JAK1: variants seen among roughly 807,000 people sequenced by gnomAD.
JAK1 encodes Janus kinase 1.
Under a neutral mutation model 136.6 loss-of-function variants are expected in JAK1, and 16 were observed. The ratio of observed to expected loss-of-function variants is 0.12; its 90% confidence interval spans 0.08 to 0.18. The LOEUF is 0.18. Among genes scored for constraint, JAK1 ranks in the 10% least tolerant of loss-of-function variants. The pLI, the probability that JAK1 is intolerant of heterozygous loss-of-function variation, is 1.00. For missense variants in JAK1, 859 were observed against 1,450.1 expected (o/e 0.59, Z 6.62); for synonymous variants, 492 against 519.5 (o/e 0.95, Z 0.72).
chr1:64,873,215 T>C (rs1657180892), intron 5 of JAK1, among the ~76,000 whole-genome samples, 155 bp downstream of exon 5: 1 of 152,184 alleles, frequency 6.6e-6, no homozygotes, highest in South Asian at 2.1e-4. Flanking sequence ...TTTTTTCTCC[T>C]CACTTGGGGC....
At position 64,889,368 on chromosome 1, in the gene JAK1, CAGA is replaced by C. The variant is rs139805082; in HGVS notation, c.-77-3030_-77-3028del. 3.1e-3 allele frequency among the ~76,000 whole-genome samples: 470 copies of C among 152,156 alleles called. 2 individuals carry two copies. Among genetic ancestry groups the C allele is most frequent in the African/African-American group, 0.011 (441 of 41,518 alleles). On this transcript the variant is annotated intron_variant, in intron 1 of 24. Coordinates refer to ENST00000342505, the MANE Select transcript of JAK1 (RefSeq NM_002227.4). ...AACAGGAAGGACCAGGAAGAGTAATCAGAAGGTTTTTGGTGATAGCAGTGAATT... is the reference window on the plus strand; with the variant it reads ...AACAGGAAGGACCAGGAAGAGTAATCAGGTTTTTGGTGATAGCAGTGAATT...
At chr1:65,003,248 G>C (rs1445994045) in intron 2 of JAK1, among the ~76,000 whole-genome samples, 2 of 151,978 alleles carry the variant, frequency 1.3e-5, no homozygotes, top group Non-Finnish European at 2.9e-5. Flanking sequence ...CGGGTAACTG[G>C]GTTGCCCTTT....
intron 2 of JAK1, among the ~76,000 whole-genome samples, chr1:65,021,911 G>A (rs1004814511): frequency 6.6e-6 from 1 of 152,270 alleles, no homozygotes; most frequent in Admixed American, 6.5e-5. Flanking sequence ...CTGACTTTCA[G>A]ACTCATTTGC....
At position 64,924,662 on chromosome 1, in the gene JAK1, T is replaced by C. The variant is rs188183944; in HGVS notation, c.-77-38321A>G. Among the ~76,000 whole-genome samples the C allele has an allele frequency of 1.7e-3, 259 of 152,318 alleles. 1 individual carries two copies. In the Middle Eastern group the frequency reaches 0.024, roughly 14 times the overall value. On this transcript the variant is annotated intron_variant, in intron 1 of 24. Coordinates refer to ENST00000342505, the MANE Select transcript of JAK1 (RefSeq NM_002227.4). ...GGTAGTTCTTCTAAAATTCCTCTGTTTGTTCTGAAGTAACAGAAAAACAGA... is the reference window on the plus strand; with the variant it reads ...GGTAGTTCTTCTAAAATTCCTCTGTCTGTTCTGAAGTAACAGAAAAACAGA...
At chr1:65,055,027 C>T (rs1040260766) in intron 1 of JAK1, among the ~76,000 whole-genome samples, 2 of 152,174 alleles carry the variant, frequency 1.3e-5, no homozygotes, top group Non-Finnish European at 2.9e-5. Flanking sequence ...TGGTAAAATA[C>T]ACATAAAATT....
intron 17 of JAK1, among the ~76,000 whole-genome samples, chr1:64,842,295 G>A (rs1357551534): frequency 2.6e-5 from 4 of 152,088 alleles, no homozygotes; most frequent in African/African-American, 9.7e-5. Context: ...TTTTTTAATA[G>A]TTTCATTTTA....
At chr1:64,840,209 C>A (rs1654802457) in intron 19 of JAK1, among the ~76,000 whole-genome samples, 1 of 152,182 alleles carries the variant, frequency 6.6e-6, no homozygotes, top group Admixed American at 6.5e-5. Flanking sequence ...CAGGTTCCAG[C>A]CAAGCCACCT....
At chr1:64,917,917 A>G (rs1307935975) in intron 1 of JAK1, among the ~76,000 whole-genome samples, 1 of 152,156 alleles carries the variant, frequency 6.6e-6, no homozygotes, top group East Asian at 1.9e-4. Context: ...GGTCCCTGCA[A>G]CCTCTCAACT....
intron 1 of JAK1, among the ~76,000 whole-genome samples, chr1:64,911,282 G>T (rs1430107695): frequency 6.6e-6 from 1 of 152,092 alleles, no homozygotes; most frequent in Non-Finnish European, 1.5e-5. Flanking sequence ...TGAATACAGG[G>T]TGACCATATA....
At chr1:65,054,778 ATTGAG>A (rs149632307) in intron 1 of JAK1, among the ~76,000 whole-genome samples, 126,179 of 151,436 alleles carry the variant, frequency 0.83, 52,701 homozygotes, top group South Asian at 0.93. Context: ...TTGCTACTAT[ATTGAG>A]TTTTCTTTAC....
At chr1:64,864,010 G>A (rs17392542) in intron 8 of JAK1, among the ~76,000 whole-genome samples, 8,083 of 152,280 alleles carry the variant, frequency 0.053, 336 homozygotes, top group Admixed American at 0.14. Context: ...GGTTATATCA[G>A]AAAGACAAGT....
At position 64,839,085 on chromosome 1, in the gene JAK1, G is replaced by A. The variant is rs546973249; in HGVS notation, c.2843-496C>T. 6.4e-5 allele frequency among the ~76,000 whole-genome samples: 9 copies of A among 141,156 alleles called. No homozygotes were observed. In the South Asian group the frequency reaches 2.0e-3, roughly 32 times the overall value. 92.6% of individuals were successfully genotyped at this position (141,156 alleles called of 152,430 possible). A position where few individuals can be genotyped will look rare whatever the true frequency, so the allele number is the denominator to read the frequency against. Reference sequence around the variant, plus strand: ...GGCGTGAACCCGGGAGGCGGAGCTTGCAGTGAGCCGAGATTGCGCCACTGC... The same window carrying A: ...GGCGTGAACCCGGGAGGCGGAGCTTACAGTGAGCCGAGATTGCGCCACTGC... On this transcript the variant is annotated intron_variant, in intron 20 of 24. Transcript: ENST00000342505.
At chr1:65,026,008 G>T (rs559387229) in intron 2 of JAK1, among the ~76,000 whole-genome samples, 5 of 152,092 alleles carry the variant, frequency 3.3e-5, no homozygotes, top group African/African-American at 1.2e-4. Flanking sequence ...CATAAAACAG[G>T]GATTACCTCA....
chr1:64,869,552 C>T (rs1178844397), intron 5 of JAK1, 78 bp from the exon 6 acceptor site: 16 of 1,092,262 alleles, frequency 1.5e-5, no homozygotes, highest in Non-Finnish European at 1.9e-5. Flanking sequence ...AGGGAGGGGC[C>T]GCCTAGAAAC....
At chr1:64,932,723 T>TA (rs1645720343) in intron 1 of JAK1, among the ~76,000 whole-genome samples, 1 of 152,180 alleles carries the variant, frequency 6.6e-6, no homozygotes, top group Non-Finnish European at 1.5e-5. Context: ...TGTTTTTTTT[T>TA]ATTGACAAAC....
chr1:64,981,763 C>T (rs1646547860), intron 2 of JAK1, among the ~76,000 whole-genome samples: 1 of 152,150 alleles, frequency 6.6e-6, no homozygotes, highest in South Asian at 2.1e-4. Context: ...AGGTGATTTG[C>T]CAGTGTTTAC....
intron 2 of JAK1, among the ~76,000 whole-genome samples, chr1:65,038,009 A>G (rs1647091838): frequency 6.6e-6 from 1 of 152,038 alleles, no homozygotes; most frequent in African/African-American, 2.4e-5. Context: ...GCCTCACATT[A>G]TGTCTGTAGT....
chr1:64,934,890 T>A lies in JAK1; in HGVS notation c.-78+31443A>T, dbSNP rs188527736. ...TCAGTGCCTAGAACATAGTAAGTGC[T>A]CATCAGATGAATGATGAGGGTCCAC... On this transcript the variant is annotated intron_variant, in intron 1 of 24. Coordinates refer to ENST00000342505, the MANE Select transcript of JAK1 (RefSeq NM_002227.4). Among the ~76,000 whole-genome samples, 255 of 152,344 alleles carry A rather than the reference T, an allele frequency of 1.7e-3. 3 individuals carry two copies. In the East Asian group the frequency reaches 0.045, roughly 27 times the overall value.
intron 4 of JAK1, among the ~76,000 whole-genome samples, chr1:64,875,710 C>T (rs1657362072): frequency 6.6e-6 from 1 of 152,170 alleles, no homozygotes; most frequent in South Asian, 2.1e-4. Flanking sequence ...CAGAAAGAAT[C>T]ACACATCTGC....
Sources: gnomAD v4.1 joint callset for allele counts (sites outside exome capture counted in the v4.1 genomes callset) on GRCh38, gnomAD v4.1.1 for gene constraint, MANE v1.5 for transcripts, NCBI Gene and HGNC (gene_info 2026-07-23, HGNC 2026-07-21) for gene names.